PTPRD: variants seen among roughly 807,000 people sequenced by gnomAD.
PTPRD encodes protein tyrosine phosphatase receptor type D.
PTPRD carries 34 observed loss-of-function variants against 214.5 expected under a neutral mutation model. That is an observed-to-expected ratio of 0.16 (90% confidence interval 0.12 to 0.21). The LOEUF is 0.21. Ranked by LOEUF, PTPRD falls within the 10% of genes least tolerant of loss-of-function variation. The pLI is 1.00. For missense variants in PTPRD, 2,545 were observed against 2,398.7 expected, an observed-to-expected ratio of 1.06 and a Z score of -1.27; for synonymous variants, 1,128 against 845.7, an observed-to-expected ratio of 1.33 and a Z score of -5.79.
chr9:8,337,652 G>A (rs955493424), intron 43 of PTPRD, among the ~76,000 whole-genome samples: 2 of 151,494 alleles, frequency 1.3e-5, no homozygotes, highest in Non-Finnish European at 2.9e-5. Context: ...TACAATCACA[G>A]GGAGACTTTA....
At chr9:8,587,732 G>A (rs1309257881) in intron 14 of PTPRD, among the ~76,000 whole-genome samples, 2 of 152,134 alleles carry the variant, frequency 1.3e-5, no homozygotes, top group Non-Finnish European at 2.9e-5. Flanking sequence ...TTACAGCCAA[G>A]TAACAAAGAA....
At chr9:9,372,633 T>C (rs965127176) in intron 9 of PTPRD, among the ~76,000 whole-genome samples, 1 of 152,192 alleles carries the variant, frequency 6.6e-6, no homozygotes, top group Admixed American at 6.5e-5. Context: ...AATATTGTTA[T>C]GTGTGAATTT....
chr9:9,067,633 A>C (rs1341516918), intron 10 of PTPRD, among the ~76,000 whole-genome samples: 1 of 152,164 alleles, frequency 6.6e-6, no homozygotes, highest in African/African-American at 2.4e-5. Context: ...GAATTTTCAA[A>C]ATTAACCTCT....
rs145160776 is a variant in PTPRD at position 9,013,739 on chromosome 9, G to A, written c.-104+4958C>T. ...GACTCAAAACTCAGGAAATGCTTAC[G>A]TATAACAGGTATGGGGATGTACCCA... On this transcript the variant is annotated intron_variant, in intron 11 of 45. Coordinates refer to ENST00000381196, the MANE Select transcript of PTPRD (RefSeq NM_002839.4). 1.1e-3 allele frequency among the ~76,000 whole-genome samples: 170 copies of A among 152,244 alleles called. 1 individual carries two copies. In the East Asian group the frequency reaches 0.025, roughly 23 times the overall value.
intron 37 of PTPRD, among the ~76,000 whole-genome samples, chr9:8,386,320 C>T (rs2087020511): frequency 1.3e-5 from 2 of 152,328 alleles, no homozygotes; most frequent in South Asian, 2.1e-4. Context: ...TAATATCAAG[C>T]TATCTTCTCT....
At position 9,119,475 on chromosome 9, in the gene PTPRD, A is replaced by T. The variant is rs147909225; in HGVS notation, c.-143+63829T>A. Reference sequence around the variant, plus strand: ...TCCAGGCACAGAATCAGAATCTCAGAAACATTCCTGCAAAAATATTTACTT... The same window carrying T: ...TCCAGGCACAGAATCAGAATCTCAGTAACATTCCTGCAAAAATATTTACTT... On this transcript the variant is annotated intron_variant, in intron 10 of 45. Transcript: ENST00000381196. 4.6e-3 allele frequency among the ~76,000 whole-genome samples: 695 copies of T among 152,340 alleles called. 2 individuals are homozygous for T. The highest frequency in any genetic ancestry group is 0.016 in the African/African-American group (662 of 41,576).
intron 7 of PTPRD, among the ~76,000 whole-genome samples, chr9:9,679,273 C>A (rs999611524): frequency 6.6e-6 from 1 of 151,588 alleles, no homozygotes; most frequent in East Asian, 1.9e-4. Flanking sequence ...CACACACAAG[C>A]GCTTTGCTAC....
In PTPRD at chr9:9,395,429, C is replaced by G. The variant is rs1028223572; in HGVS notation, c.-203+2020G>C. 3.3e-5 allele frequency among the ~76,000 whole-genome samples: 5 copies of G among 152,080 alleles called. No homozygotes were observed. In the East Asian group the frequency reaches 9.7e-4, roughly 29 times the overall value. On this transcript the variant is annotated intron_variant, in intron 9 of 45. Transcript: ENST00000381196. ...TAATTGGTTTGGGTACTACCCAGGT[C>G]TAACTAGCCTTTTCGACTTCACAGT...
chr9:10,372,237 G>A (rs1028575211), intron 2 of PTPRD, among the ~76,000 whole-genome samples: 5 of 151,902 alleles, frequency 3.3e-5, no homozygotes, highest in Non-Finnish European at 7.4e-5. Context: ...AGATTTCCAC[G>A]TATACTTAGT....
intron 10 of PTPRD, among the ~76,000 whole-genome samples, chr9:9,130,966 C>A (rs1335695798): frequency 1.3e-5 from 2 of 151,990 alleles, no homozygotes; most frequent in Non-Finnish European, 2.9e-5. Flanking sequence ...TCTTCATTTC[C>A]TGGTACAAAT....
At chr9:9,267,901 A>G (rs1295787147) in intron 9 of PTPRD, among the ~76,000 whole-genome samples, 1 of 151,242 alleles carries the variant, frequency 6.6e-6, no homozygotes, top group Non-Finnish European at 1.5e-5. Flanking sequence ...GCTGTATTTG[A>G]CCAGCCCATA....
chr9:9,000,861 G>T (rs1414387960), intron 11 of PTPRD, among the ~76,000 whole-genome samples: 1 of 151,906 alleles, frequency 6.6e-6, no homozygotes, highest in East Asian at 1.9e-4. Flanking sequence ...CAAACCACAA[G>T]AAATAACCAG....
chr9:9,101,500 G>A (rs1040320468), intron 10 of PTPRD, among the ~76,000 whole-genome samples: 42 of 152,320 alleles, frequency 2.8e-4, no homozygotes, highest in African/African-American at 9.9e-4. Context: ...CATTAATGAG[G>A]TAGCAGAGCA....
intron 12 of PTPRD, among the ~76,000 whole-genome samples, chr9:8,642,461 A>G (rs1476795723): frequency 6.6e-6 from 1 of 152,216 alleles, no homozygotes. Context: ...GAGAATGTTC[A>G]GTGGGAACAT....
At chr9:9,152,678 G>A (rs535160561) in intron 10 of PTPRD, among the ~76,000 whole-genome samples, 2 of 152,254 alleles carry the variant, frequency 1.3e-5, no homozygotes, top group Admixed American at 1.3e-4. Flanking sequence ...CGCTGTAGAG[G>A]CTAGTCCAAA....
intron 10 of PTPRD, among the ~76,000 whole-genome samples, chr9:9,075,568 A>G (rs1403316782): frequency 6.6e-6 from 1 of 151,186 alleles, no homozygotes; most frequent in African/African-American, 2.4e-5. Flanking sequence ...CCCATCCCCC[A>G]CCCCACAACA....
At chr9:8,884,781 T>G (rs2098473078) in intron 11 of PTPRD, among the ~76,000 whole-genome samples, 1 of 152,252 alleles carries the variant, frequency 6.6e-6, no homozygotes, top group South Asian at 2.1e-4. Flanking sequence ...CCTGTAGTTT[T>G]CTATTCTTTG....
At chr9:9,007,526 C>A (rs569964211) in intron 11 of PTPRD, among the ~76,000 whole-genome samples, 1 of 151,778 alleles carries the variant, frequency 6.6e-6, no homozygotes, top group Admixed American at 6.6e-5. Context: ...CTCCAATAAA[C>A]CAAATACAAA....
intron 8 of PTPRD, among the ~76,000 whole-genome samples, chr9:9,559,255 C>T (rs1162941583): frequency 2.0e-5 from 3 of 152,176 alleles, no homozygotes; most frequent in Non-Finnish European, 4.4e-5. Flanking sequence ...ACACTCTGAG[C>T]ATGAAGGGCA....
Sources: allele counts gnomAD v4.1 joint callset (sites outside exome capture counted in the v4.1 genomes callset), GRCh38; gene constraint gnomAD v4.1.1; transcripts MANE v1.5; gene names NCBI Gene and HGNC (gene_info 2026-07-23, HGNC 2026-07-21).